PTPRQ: variants seen among roughly 807,000 people sequenced by gnomAD.
PTPRQ encodes the protein protein tyrosine phosphatase receptor type Q.
In PTPRQ, 199 loss-of-function variants were observed where a neutral mutation model predicts 246.0. The observed-to-expected ratio is 0.81, with a 90% CI of 0.72 to 0.91. PTPRQ has a LOEUF of 0.91. PTPRQ is among the 40% of genes least tolerant of loss of function. The probability of loss-of-function intolerance (pLI) is 0.00; values close to 1 mark genes in which losing one functional copy is unlikely to be tolerated. For missense variants in PTPRQ, 2,624 were observed against 2,528.4 expected (o/e 1.04, Z -0.81); for synonymous variants, 869 against 853.2 (o/e 1.02, Z -0.32).
chr12:80,666,682 G>A (rs1185706132), intron 39 of PTPRQ, among the ~76,000 whole-genome samples: 1 of 151,882 alleles, frequency 6.6e-6, no homozygotes, highest in Non-Finnish European at 1.5e-5. Flanking sequence ...ATAAAAATGT[G>A]CAATTATTAT....
intron 6 of PTPRQ, among the ~76,000 whole-genome samples, chr12:80,463,116 T>G (rs564406919): frequency 6.6e-6 from 1 of 152,190 alleles, no homozygotes; most frequent in East Asian, 1.9e-4. Flanking sequence ...TTGAAAACTT[T>G]GAAAAAAATG....
At chr12:80,551,017 G>A (rs923898286) in intron 25 of PTPRQ, among the ~76,000 whole-genome samples, 1 of 151,948 alleles carries the variant, frequency 6.6e-6, no homozygotes, top group Non-Finnish European at 1.5e-5. Context: ...CCTCTTTCAG[G>A]GATCTAGCTG....
chr12:80,472,101 G>T lies in PTPRQ; in HGVS notation c.1040-4G>T. On this transcript the variant is annotated splice_polypyrimidine_tract_variant and splice_region_variant and intron_variant, in intron 7 of 44. Transcript: ENST00000644991. The stretch of plus-strand genomic sequence containing the variant: ...AATCCATAGCTATCTTCCACTTTTT[G>T]CAGGTCGCATTTTGGATAACAGCAC... 1 of 1,549,158 alleles carries T rather than the reference G, an allele frequency of 6.5e-7. No homozygotes were observed. Among genetic ancestry groups the T allele is most frequent in the Non-Finnish European group, 8.7e-7 (1 of 1,146,268 alleles).
intron 25 of PTPRQ, among the ~76,000 whole-genome samples, chr12:80,587,045 C>T (rs1373956350): frequency 1.3e-5 from 2 of 152,094 alleles, no homozygotes; most frequent in Non-Finnish European, 2.9e-5. Context: ...ATGTACAATA[C>T]TTATTGATAC....
chr12:80,473,057 A>ACGCGCGCG (rs1206107315), intron 8 of PTPRQ, among the ~76,000 whole-genome samples: 2 of 151,162 alleles, frequency 1.3e-5, no homozygotes, highest in African/African-American at 4.9e-5. Context: ...GCACACACAC[A>ACGCGCGCG]CACACACACA....
chr12:80,525,422 G>A (rs1895652100), intron 17 of PTPRQ, among the ~76,000 whole-genome samples: 1 of 152,132 alleles, frequency 6.6e-6, no homozygotes, highest in African/African-American at 2.4e-5. Flanking sequence ...TGGCCTTTGT[G>A]TCTTGTGTAT....
intron 19 of PTPRQ, among the ~76,000 whole-genome samples, chr12:80,537,373 C>T (rs1247570226): frequency 1.3e-5 from 2 of 152,116 alleles, no homozygotes; most frequent in South Asian, 2.1e-4. Flanking sequence ...TAGAATATGT[C>T]ATGCATGGCA....
At position 80,542,164 on chromosome 12, in the gene PTPRQ, C is replaced by T; in HGVS notation, c.3521C>T (p.Pro1174Leu). The T allele has an allele frequency of 6.4e-7, 1 of 1,551,022 alleles. No homozygotes were observed. Among genetic ancestry groups the T allele is most frequent in the Non-Finnish European group, 8.7e-7 (1 of 1,146,652 alleles). ...STSVLLSWDP[P>L]VKPNGAIISY... ...TCAGTTCTCTTATCATGGGATCCCC[C>T]AGTAAAGCCAAATGGTGCAATAATA... Residue 1174 changes from proline (P) to leucine (L), a missense_variant, in exon 22 of 45, where the codon CCA (proline) becomes CTA (leucine). By Grantham distance (98) the Pro-to-Leu change is moderately conservative. Transcript: ENST00000644991.
At chr12:80,464,867 C>A (rs1157544427) in intron 6 of PTPRQ, among the ~76,000 whole-genome samples, 1 of 3,256 alleles carries the variant, frequency 3.1e-4, no homozygotes, top group East Asian at 4.4e-3. Flanking sequence ...GTGTAGAGGG[C>A]AATTTATAGC....
At chr12:80,546,352 G>A (rs927052452) in intron 23 of PTPRQ, among the ~76,000 whole-genome samples, 1 of 151,808 alleles carries the variant, frequency 6.6e-6, no homozygotes, top group Non-Finnish European at 1.5e-5. Context: ...GGGAAAAGAA[G>A]GTGCCCAATT....
At chr12:80,525,435 T>C (rs940075843) in intron 17 of PTPRQ, among the ~76,000 whole-genome samples, 15 of 152,218 alleles carry the variant, frequency 9.9e-5, no homozygotes, top group East Asian at 5.8e-4. Context: ...TTGTGTATAA[T>C]GGCACAGGAT....
intron 17 of PTPRQ, among the ~76,000 whole-genome samples, chr12:80,517,018 T>C (rs1395602033): frequency 6.6e-6 from 1 of 151,952 alleles, no homozygotes; most frequent in East Asian, 1.9e-4. Flanking sequence ...TAATATGAGG[T>C]TTCTAGTGGG....
At chr12:80,639,679 A>T (rs1051786176) in intron 35 of PTPRQ, among the ~76,000 whole-genome samples, 2 of 152,366 alleles carry the variant, frequency 1.3e-5, no homozygotes, top group South Asian at 4.1e-4. Flanking sequence ...CTGCTTAAAA[A>T]AATTCTACAT....
At chr12:80,487,059 T>C (rs1014318927) in intron 9 of PTPRQ, among the ~76,000 whole-genome samples, 1 of 152,156 alleles carries the variant, frequency 6.6e-6, no homozygotes, top group Admixed American at 6.6e-5. Flanking sequence ...TCTCATAACA[T>C]TTTCTTTTGA....
chr12:80,674,733 G>C (rs377750076), intron 43 of PTPRQ, among the ~76,000 whole-genome samples: 3 of 151,972 alleles, frequency 2.0e-5, no homozygotes, highest in Non-Finnish European at 4.4e-5. Context: ...TTATTATTAG[G>C]TATTCTCAAA....
chr12:80,515,742 CTTTT>C (rs34385655), intron 17 of PTPRQ, among the ~76,000 whole-genome samples: 1 of 137,898 alleles, frequency 7.3e-6, no homozygotes. Context: ...CTGAATATTT[CTTTT>C]TTTTTTTTTT....
chr12:80,620,343 G>A lies in PTPRQ; in HGVS notation c.5579G>A (p.Cys1860Tyr). ...ATTCCTGGCAATGAAGACAAAATTTGCAATGGACCACTGAAACCAAAAAAG... is the reference window on the plus strand; with the variant it reads ...ATTCCTGGCAATGAAGACAAAATTTACAATGGACCACTGAAACCAAAAAAG... ...CMIPGNEDKI[C>Y]NGPLKPKKQY... is the part of the protein sequence containing the mutation. Residue 1860 changes from cysteine to tyrosine, a missense_variant, in exon 32 of 45, where the codon TGC becomes TAC. Transcript: ENST00000644991. The A allele has an allele frequency of 1.3e-6, 2 of 1,549,164 alleles. No homozygotes were observed. Among genetic ancestry groups the A allele is most frequent in the South Asian group, 2.4e-5 (2 of 83,986 alleles).
At chr12:80,649,704 C>A (rs1176503441) in intron 37 of PTPRQ, 35 bp downstream of exon 37, 21 of 1,523,152 alleles carry the variant, frequency 1.4e-5, no homozygotes, top group Non-Finnish European at 1.8e-5. Context: ...CATTGCAAGA[C>A]CTCCAGTCGT....
In PTPRQ at chr12:80,542,769, G is replaced by T; in HGVS notation, c.3761G>T (p.Cys1254Phe). 1 of 1,549,036 alleles carries T rather than the reference G, an allele frequency of 6.5e-7. No homozygotes were observed. Among genetic ancestry groups the T allele is most frequent in the South Asian group, 1.2e-5 (1 of 83,428 alleles). ...CCACAAAATTTGACTTTAATCAACT[G>T]TACTTCAGACTTTGTATGGCTGAAA... ...APPQNLTLIN[C>F]TSDFVWLKWS... Residue 1254 changes from cysteine to phenylalanine, a missense_variant, in exon 23 of 45, where the codon TGT becomes TTT. By Grantham distance (205) the Cys-to-Phe change is radical. Coordinates refer to ENST00000644991, the MANE Select transcript of PTPRQ (RefSeq NM_001145026.2).
Sources: allele counts gnomAD v4.1 joint callset (sites outside exome capture counted in the v4.1 genomes callset), GRCh38; gene constraint gnomAD v4.1.1; transcripts MANE v1.5; gene names NCBI Gene and HGNC (gene_info 2026-07-23, HGNC 2026-07-21).